QRFPR: variants seen among roughly 807,000 people sequenced by gnomAD.
QRFPR encodes the protein pyroglutamylated RFamide peptide receptor, also known as pyroglutamylated RF-amide peptide receptor.
A neutral mutation model predicts 31.3 loss-of-function variants in QRFPR; 37 were observed. The ratio of observed to expected loss-of-function variants is 1.18; its 90% CI spans 0.91 to 1.56. The LOEUF (loss-of-function observed/expected upper bound fraction) is 1.56, where lower values mean the gene tolerates loss of function less well. Ranked by LOEUF, QRFPR falls within the 40% of genes most tolerant of loss-of-function variation. The pLI, the probability that QRFPR is intolerant of heterozygous loss-of-function variation, is 0.00. For missense variants in QRFPR, 542 were observed against 532.5 expected (o/e 1.02, Z -0.18); for synonymous variants, 197 against 192.0 (o/e 1.03, Z -0.22).
At position 121,367,441 on chromosome 4, in the gene QRFPR, T is replaced by G. The variant is rs569621190; in HGVS notation, c.340+12867A>C. Among the ~76,000 whole-genome samples the G allele has an allele frequency of 3.3e-5, 5 of 150,484 alleles. 1 individual carries two copies. The highest frequency in any genetic ancestry group is 9.8e-5 in the African/African-American group (4 of 40,782). ...AGTTTGAATCCTCATAGTTTGAGCA[T>G]AAAAGTAATTCTTTTCATGTAAATT... On this transcript the variant is annotated intron_variant, in intron 1 of 5. Coordinates refer to ENST00000394427, the MANE Select transcript of QRFPR (RefSeq NM_198179.3).
chr4:121,358,367 A>G (rs1402604706), intron 1 of QRFPR, among the ~76,000 whole-genome samples: 1 of 152,182 alleles, frequency 6.6e-6, no homozygotes, highest in Admixed American at 6.5e-5. Context: ...CAAAACTACC[A>G]ACACAATATC....
At chr4:121,361,328 T>A (rs576692555) in intron 1 of QRFPR, among the ~76,000 whole-genome samples, 1 of 150,254 alleles carries the variant, frequency 6.7e-6, no homozygotes, top group Non-Finnish European at 1.5e-5. Flanking sequence ...CTCCTTGGTA[T>A]AATGATGATG....
At chr4:121,359,391 C>T (rs1328912082) in intron 1 of QRFPR, among the ~76,000 whole-genome samples, 1 of 152,074 alleles carries the variant, frequency 6.6e-6, no homozygotes, top group Non-Finnish European at 1.5e-5. Flanking sequence ...ATCTGGTGGG[C>T]ACAATCTAAT....
intron 1 of QRFPR, among the ~76,000 whole-genome samples, chr4:121,359,914 T>G (rs573718229): frequency 1.2e-4 from 19 of 152,112 alleles, no homozygotes; most frequent in African/African-American, 4.6e-4. Flanking sequence ...ATATCTCATC[T>G]CTGTAACTTG....
intron 1 of QRFPR, among the ~76,000 whole-genome samples, chr4:121,375,884 C>T (rs528790914): frequency 1.3e-5 from 2 of 152,218 alleles, no homozygotes; most frequent in Non-Finnish European, 2.9e-5. Flanking sequence ...CAGCACTGGT[C>T]ACAAGCAAAA....
rs750332547 is a variant in QRFPR at position 121,340,614 on chromosome 4, C to A, written c.341-4G>T. ...ACCATCTTGCAAATGAAAGCACCTG[C>A]AGTAAGGAAATAGGACAAATCATAC... On this transcript the variant is annotated splice_region_variant and splice_polypyrimidine_tract_variant and intron_variant, in intron 1 of 5. Transcript: ENST00000394427. 2 of 1,612,624 alleles carry A rather than the reference C, an allele frequency of 1.2e-6. No homozygotes were observed. Among genetic ancestry groups the A allele is most frequent in the South Asian group, 2.2e-5 (2 of 91,006 alleles).
intron 1 of QRFPR, among the ~76,000 whole-genome samples, chr4:121,343,290 C>G (rs1204564785): frequency 1.3e-5 from 2 of 152,144 alleles, no homozygotes; most frequent in Non-Finnish European, 2.9e-5. Flanking sequence ...TTTTGTTAAC[C>G]CAAGACTCCC....
In QRFPR at chr4:121,380,368, T is replaced by A; in HGVS notation, c.280A>T (p.Ile94Phe). Residue 94 changes from isoleucine to phenylalanine, a missense_variant, in exon 1 of 6, where the codon ATC (isoleucine) becomes TTC (phenylalanine). By Grantham distance (21) the Ile-to-Phe change is conservative. Transcript: ENST00000394427. Reference protein sequence around the residue: ...ICSLALSDLLITFFCIPVTML... With the variant: ...ICSLALSDLLFTFFCIPVTML... ...GTGACGGGAATGCAGAAGAAGGTGA[T>A]GAGCAGGTCACTGAGCGCCAAGGAG... 6.2e-7 allele frequency: 1 copy of A among 1,614,130 alleles called. No homozygotes were observed. The highest frequency in any genetic ancestry group is 8.5e-7 in the Non-Finnish European group (1 of 1,180,010).
At position 121,329,238 on chromosome 4, in the gene QRFPR, AT is replaced by A. The variant is rs749887415; in HGVS notation, c.*75del. 2.6e-5 allele frequency: 30 copies of A among 1,139,860 alleles called. No individual in the cohort carries two copies. Among genetic ancestry groups the A allele is most frequent in the Admixed American group, 1.9e-4 (8 of 41,720 alleles). The allele number at this position is 1,139,860 out of a possible 1,614,324, so 70.6% of individuals were successfully genotyped here. ...TCATCATCTTAAGAATAAAAAGAGT[AT>A]TTGACCTTTGCTCAAAATAATTTTC... On this transcript the variant is annotated 3_prime_UTR_variant, in exon 6 of 6. Coordinates refer to ENST00000394427, the MANE Select transcript of QRFPR (RefSeq NM_198179.3).
chr4:121,355,041 G>A (rs977106733), intron 1 of QRFPR, among the ~76,000 whole-genome samples: 5 of 151,766 alleles, frequency 3.3e-5, no homozygotes, highest in African/African-American at 9.7e-5. Flanking sequence ...TTTTTTCGTT[G>A]TGTCTTTGCC....
In QRFPR at chr4:121,329,319, G is replaced by T; in HGVS notation, c.1291C>A (p.His431Asn). ...LAENSPLDSGH is the reference protein window; with the variant it reads ...LAENSPLDSGN ...TTATGAAGATATTGTTATAATTAAT[G>T]CCCACTGTCTAAAGGAGAATTCTCA... Residue 431 changes from histidine to asparagine, a missense_variant, in exon 6 of 6, where the codon CAT becomes AAT. His to Asn is a moderately conservative substitution (Grantham distance 68). Transcript: ENST00000394427. 1 of 1,597,394 alleles carries T rather than the reference G, an allele frequency of 6.3e-7. No homozygotes were observed. The highest frequency in any genetic ancestry group is 8.5e-7 in the Non-Finnish European group (1 of 1,172,178).
chr4:121,375,327 C>A (rs1301313738), intron 1 of QRFPR, among the ~76,000 whole-genome samples: 4 of 152,150 alleles, frequency 2.6e-5, no homozygotes, highest in Non-Finnish European at 5.9e-5. Context: ...GCTCTGGAAC[C>A]CTGACATCTA....
chr4:121,341,471 G>A (rs1472446848), intron 1 of QRFPR, among the ~76,000 whole-genome samples: 1 of 152,148 alleles, frequency 6.6e-6, no homozygotes, highest in Non-Finnish European at 1.5e-5. Context: ...GCTCTGCCAA[G>A]CTCTGCTTAA....
At chr4:121,344,857 T>G (rs1157316827) in intron 1 of QRFPR, among the ~76,000 whole-genome samples, 1 of 152,190 alleles carries the variant, frequency 6.6e-6, no homozygotes, top group African/African-American at 2.4e-5. Context: ...ATTGTATGGG[T>G]CTAAATTATT....
rs397995185 is a variant in QRFPR, at chr4:121,331,175, G to GTTTT, written c.798-656_798-653dup. ...TGGATATCTATACGATATATCTTGG[G>GTTTT]TTTTTTTTTTTTTTTTTTTTTTTTT... On this transcript the variant is annotated intron_variant, in intron 4 of 5. Coordinates refer to ENST00000394427, the MANE Select transcript of QRFPR (RefSeq NM_198179.3). 1.3e-4 allele frequency among the ~76,000 whole-genome samples: 9 copies of GTTTT among 69,054 alleles called. 1 individual carries two copies. The highest frequency in any genetic ancestry group is 4.3e-4 in the Admixed American group (2 of 4,676). 45.3% of individuals were successfully genotyped at this position (69,054 alleles called of 152,430 possible). A position where few individuals can be genotyped will look rare whatever the true frequency, so the allele number is the denominator to read the frequency against.
chr4:121,355,186 A>C (rs1389924432), intron 1 of QRFPR, among the ~76,000 whole-genome samples: 1 of 152,052 alleles, frequency 6.6e-6, no homozygotes, highest in Non-Finnish European at 1.5e-5. Context: ...TTCAGCAGTA[A>C]AGCCATCAGG....
intron 3 of QRFPR, among the ~76,000 whole-genome samples, chr4:121,333,464 A>G (rs577275865): frequency 6.6e-6 from 1 of 152,342 alleles, no homozygotes; most frequent in Non-Finnish European, 1.5e-5. Context: ...TCAATTGTTG[A>G]GACAGATTTT....
intron 1 of QRFPR, among the ~76,000 whole-genome samples, chr4:121,368,619 G>A (rs1157118371): frequency 1.3e-5 from 2 of 149,958 alleles, no homozygotes; most frequent in African/African-American, 4.9e-5. Flanking sequence ...GCCAAGTCTG[G>A]TTTTACCTAT....
In QRFPR at chr4:121,333,066, A is replaced by T; in HGVS notation, c.562-10T>A. ...GGAAGTCATATTTGATCTTCATAAT[A>T]AGAATAATTCATTAAAAGAACCAGT... On this transcript the variant is annotated splice_polypyrimidine_tract_variant and intron_variant, in intron 3 of 5. Transcript: ENST00000394427. 2 of 1,569,134 alleles carry T rather than the reference A, an allele frequency of 1.3e-6. No individual in the cohort carries two copies. Among genetic ancestry groups the T allele is most frequent in the Non-Finnish European group, 1.8e-6 (2 of 1,140,824 alleles).
Sources: gnomAD v4.1 joint callset for allele counts (sites outside exome capture counted in the v4.1 genomes callset) on GRCh38, gnomAD v4.1.1 for gene constraint, MANE v1.5 for transcripts, NCBI Gene and HGNC (gene_info 2026-07-23, HGNC 2026-07-21) for gene names.